The following AGBL1 variants were observed in gnomAD, a reference collection of about 807,000 sequenced individuals.
AGBL1 encodes the protein cytosolic carboxypeptidase 4.
A neutral mutation model predicts 118.9 loss-of-function variants in AGBL1; 130 were observed. That is an observed-to-expected ratio of 1.09 (90% CI 0.95 to 1.26). AGBL1 has a LOEUF of 1.26. Among genes scored for constraint, AGBL1 ranks in the 50% most tolerant of loss-of-function variants. The pLI is 0.00. For synonymous variants in AGBL1, 555 were observed against 478.9 expected, an observed-to-expected ratio of 1.16 and a Z score of -2.08; for missense variants, 1,584 against 1,298.1, an observed-to-expected ratio of 1.22 and a Z score of -3.38.
chr15:86,649,443 A>T (rs142104502), intron 21 of AGBL1, among the ~76,000 whole-genome samples: 92 of 152,324 alleles, frequency 6.0e-4, no homozygotes, highest in African/African-American at 2.1e-3. Context: ...ATGACTTGGT[A>T]GTACTGAGTC....
chr15:86,772,985 T>C lies in AGBL1; in HGVS notation c.3158+98549T>C, dbSNP rs577137049. On this transcript the variant is annotated intron_variant, in intron 22 of 22. Transcript: ENST00000614907. ...CCAGTGAACCCTTAACGTGCAAAAC[T>C]GAGCCACTGGCAGCTGGAAGCCTGC... is the stretch of plus-strand genomic sequence containing the variant. 2.3e-4 allele frequency among the ~76,000 whole-genome samples: 35 copies of C among 152,112 alleles called. No individual in the cohort carries two copies. The South Asian group carries it at 6.6e-3, about 29-fold the overall frequency.
chr15:86,350,719 C>T (rs565370154), intron 17 of AGBL1, among the ~76,000 whole-genome samples: 93 of 152,268 alleles, frequency 6.1e-4, no homozygotes, highest in Admixed American at 3.3e-4. Flanking sequence ...GCTATCAGAG[C>T]TAGAGAATGA....
intron 17 of AGBL1, among the ~76,000 whole-genome samples, chr15:86,356,717 C>CA (rs2080727042): frequency 6.6e-6 from 1 of 152,090 alleles, no homozygotes; most frequent in Admixed American, 6.5e-5. Flanking sequence ...TGAGTTAGAG[C>CA]AAGAGTTAAG....
rs551015692 is a variant in AGBL1, at chr15:86,221,207, A to G, written c.489-3707A>G. Among the ~76,000 whole-genome samples the G allele has an allele frequency of 2.0e-5, 3 of 152,230 alleles. No homozygotes were observed. In the South Asian group the frequency reaches 6.2e-4, roughly 32 times the overall value. On this transcript the variant is annotated intron_variant, in intron 5 of 22. Transcript: ENST00000614907. ...GTGCAAAACTCCATCAAAAAAAAATAAAAAATAAAAAATGAAAAGAAGTCC... is the reference window on the plus strand; with the variant it reads ...GTGCAAAACTCCATCAAAAAAAAATGAAAAATAAAAAATGAAAAGAAGTCC...
rs1272720675 is a variant in AGBL1 at position 86,914,502 on chromosome 15, C to A, written c.*7208C>A. ...TTCCTAACTCATGCTCCCTCCACTT[C>A]CCCAGAGGAGGTGAATATGAACCAT... On this transcript the variant is annotated 3_prime_UTR_variant, in exon 23 of 23. Coordinates refer to ENST00000614907, the MANE Select transcript of AGBL1 (RefSeq NM_001386094.1). 4 of 152,182 alleles carry A rather than the reference C, an allele frequency of 2.6e-5. No individual in the cohort carries two copies. In the East Asian group the frequency reaches 7.7e-4, roughly 29 times the overall value. 9.4% of individuals were successfully genotyped at this position (152,182 alleles called of 1,614,324 possible).
intron 17 of AGBL1, among the ~76,000 whole-genome samples, chr15:86,349,198 A>C (rs1434213819): frequency 2.0e-5 from 3 of 152,172 alleles, no homozygotes; most frequent in Admixed American, 1.3e-4. Context: ...TTGATTTTGG[A>C]CTTCTAGCCT....
chr15:86,142,523 T>C (rs2076977585), intron 2 of AGBL1, among the ~76,000 whole-genome samples: 1 of 152,244 alleles, frequency 6.6e-6, no homozygotes, highest in South Asian at 2.1e-4. Flanking sequence ...CATGCTTCTA[T>C]TCGCTCAAGT....
intron 24 of AGBL1, among the ~76,000 whole-genome samples, chr15:86,996,913 C>T (rs1295173660): frequency 6.6e-6 from 1 of 151,840 alleles, no homozygotes; most frequent in Admixed American, 6.6e-5. Flanking sequence ...TTTAATACTC[C>T]AATATATATT....
intron 22 of AGBL1, among the ~76,000 whole-genome samples, chr15:86,819,470 C>A (rs1470943803): frequency 1.3e-5 from 2 of 152,062 alleles, no homozygotes; most frequent in Non-Finnish European, 2.9e-5. Context: ...GCAAAAATCA[C>A]AAGCATTCCT....
At chr15:86,734,605 C>G (rs2077567714) in intron 22 of AGBL1, among the ~76,000 whole-genome samples, 1 of 152,150 alleles carries the variant, frequency 6.6e-6, no homozygotes, top group African/African-American at 2.4e-5. Context: ...CTCAGAGCCA[C>G]AGCCGGCCAA....
chr15:86,149,178 A>G (rs548357107), intron 3 of AGBL1, among the ~76,000 whole-genome samples: 1 of 152,352 alleles, frequency 6.6e-6, no homozygotes, highest in African/African-American at 2.4e-5. Context: ...AAAACATGCC[A>G]AATTGTAAAG....
intron 23 of AGBL1, among the ~76,000 whole-genome samples, chr15:86,940,105 C>G (rs1313939599): frequency 9.6e-5 from 9 of 93,566 alleles, no homozygotes; most frequent in African/African-American, 3.8e-4. Flanking sequence ...GACGGGGTTT[C>G]TCTGTGTTGC....
chr15:86,597,266 G>T (rs1464994199), intron 21 of AGBL1, among the ~76,000 whole-genome samples: 1 of 151,990 alleles, frequency 6.6e-6, no homozygotes, highest in East Asian at 1.9e-4. Context: ...TATTTACTCT[G>T]TCAGAAATAG....
intron 5 of AGBL1, among the ~76,000 whole-genome samples, chr15:86,193,248 A>AT (rs1458232125): frequency 1.1e-4 from 16 of 152,054 alleles, no homozygotes; most frequent in Non-Finnish European, 1.6e-4. Flanking sequence ...CCAAAGCATT[A>AT]TTTTTTCCAA....
rs907560827 is a variant in AGBL1 at position 86,174,602 on chromosome 15, A to G, written c.488+15576A>G. ...GCTGGGTTTGTCACATGTGGCTTTT[A>G]TTATGTTTCTTATGTTTTATTATGT... On this transcript the variant is annotated intron_variant, in intron 5 of 22. Transcript: ENST00000614907. 2.0e-5 allele frequency among the ~76,000 whole-genome samples: 2 copies of G among 99,694 alleles called. 1 individual carries two copies. The highest frequency in any genetic ancestry group is 6.8e-4 in the South Asian group (2 of 2,932). The allele number at this position is 99,694 out of a possible 152,430, so 65.4% of individuals were successfully genotyped here. A position where few individuals can be genotyped will look rare whatever the true frequency, so the allele number is the denominator to read the frequency against.
chr15:86,397,700 C>T (rs974297889), intron 18 of AGBL1, among the ~76,000 whole-genome samples, 154 bp downstream of exon 18: 8 of 152,150 alleles, frequency 5.3e-5, no homozygotes, highest in African/African-American at 1.9e-4. Flanking sequence ...AACATACTTT[C>T]CATACACACT....
intron 22 of AGBL1, among the ~76,000 whole-genome samples, chr15:86,715,886 A>G (rs1009443295): frequency 6.6e-6 from 1 of 151,836 alleles, no homozygotes. Flanking sequence ...GTGAAACCCC[A>G]TCTTTACTAA....
chr15:86,960,094 C>T (rs946356214), intron 23 of AGBL1, among the ~76,000 whole-genome samples: 1 of 152,034 alleles, frequency 6.6e-6, no homozygotes, highest in Non-Finnish European at 1.5e-5. Context: ...TCTTTGTTGA[C>T]TTGAAAACAA....
At position 86,105,381 on chromosome 15, in the gene AGBL1, A is replaced by G. The variant is rs369142816; in HGVS notation, c.51+25358A>G. On this transcript the variant is annotated intron_variant, in intron 1 of 22. Transcript: ENST00000614907. ...CAGTAGTAATAAGTAAATTAGAAAG[A>G]CATATACAAATTACCTTACCTGGGG... is the stretch of plus-strand genomic sequence containing the variant. 6 of 152,320 alleles carry G rather than the reference A, an allele frequency of 3.9e-5. No homozygotes were observed. The South Asian group carries it at 1.2e-3, about 32-fold the overall frequency. 9.4% of individuals were successfully genotyped at this position (152,320 alleles called of 1,614,324 possible). A position where few individuals can be genotyped will look rare whatever the true frequency, so the allele number is the denominator to read the frequency against.
Sources: allele counts gnomAD v4.1 joint callset (sites outside exome capture counted in the v4.1 genomes callset), GRCh38; gene constraint gnomAD v4.1.1; transcripts MANE v1.5; gene names NCBI Gene and HGNC (gene_info 2026-07-23, HGNC 2026-07-21).